Variants in SNX31 observed in about 807,000 individuals in gnomAD.
SNX31 encodes the protein sorting nexin 31.
A neutral mutation model predicts 65.4 loss-of-function variants in SNX31; 58 were observed. The ratio of observed to expected loss-of-function variants is 0.89; its 90% CI spans 0.72 to 1.10. SNX31 has a LOEUF of 1.10. Ranked by LOEUF, SNX31 falls within the 50% of genes least tolerant of loss-of-function variation. SNX31 has a pLI of 0.00. For missense variants in SNX31, 523 were observed against 529.7 expected, an observed-to-expected ratio of 0.99 and a Z score of 0.12; for synonymous variants, 181 against 190.1, an observed-to-expected ratio of 0.95 and a Z score of 0.39.
In SNX31 at chr8:100,630,046, C is replaced by T. The variant is rs1161702074; in HGVS notation, c.321+281G>A. Among the ~76,000 whole-genome samples, 1 of 152,190 alleles carries T rather than the reference C, an allele frequency of 6.6e-6. No homozygotes were observed. The highest frequency in any genetic ancestry group is 1.5e-5 in the Non-Finnish European group (1 of 68,040). ...ACTTGAAGGTCCTCTTCTTCATGTC[C>T]TGTTTTGAGATGTATGATTCTTAGG... On this transcript the variant is annotated intron_variant, in intron 4 of 13. Coordinates refer to ENST00000311812, the MANE Select transcript of SNX31 (RefSeq NM_152628.4). The surrounding 1 kb of genome is among the most constrained non-coding windows in gnomAD (Gnocchi z 5.3).
chr8:100,586,977 T>G (rs1814102443), intron 11 of SNX31, among the ~76,000 whole-genome samples: 2 of 152,220 alleles, frequency 1.3e-5, no homozygotes, highest in Non-Finnish European at 2.9e-5. Flanking sequence ...TTTTAGCATT[T>G]CCACTCCAAT....
chr8:100,614,410 C>T lies in SNX31; in HGVS notation c.433-1325G>A, dbSNP rs762996763. Among the ~76,000 whole-genome samples the T allele has an allele frequency of 2.6e-5, 4 of 152,296 alleles. No individual in the cohort carries two copies. The highest frequency in any genetic ancestry group is 2.1e-4 in the South Asian group (1 of 4,820). ...GCAAAAGGAGAATGAAGAAGCCTTTCGCATTCATAAAGACATAAATATAAA... is the reference window on the plus strand; with the variant it reads ...GCAAAAGGAGAATGAAGAAGCCTTTTGCATTCATAAAGACATAAATATAAA... On this transcript the variant is annotated intron_variant, in intron 5 of 13. Transcript: ENST00000311812. This position sits in a 1 kb window ranked among gnomAD's most constrained non-coding sequence, Gnocchi z 5.1.
At chr8:100,650,850 G>GTTTT (rs58797178), upstream of SNX31, among the ~76,000 whole-genome samples, 2 of 136,976 alleles carry the variant, frequency 1.5e-5, no homozygotes, top group South Asian at 4.6e-4. Flanking sequence ...GTGTTTTTTT[G>GTTTT]TTTTTTTTTT....
chr8:100,636,403 G>A lies in SNX31; in HGVS notation c.142-392C>T, dbSNP rs140689603. ...CCTCAGCCCTACCGCCACCAAATCT[G>A]AACTTGACAAATGCTTACAGCTGTG... On this transcript the variant is annotated intron_variant, in intron 2 of 13. Transcript: ENST00000311812. Among the ~76,000 whole-genome samples, 8 of 152,296 alleles carry A rather than the reference G, an allele frequency of 5.3e-5. No individual in the cohort carries two copies. The East Asian group carries it at 1.5e-3, about 29-fold the overall frequency.
chr8:100,590,781 C>T (rs773528473), intron 10 of SNX31, among the ~76,000 whole-genome samples: 6 of 149,692 alleles, frequency 4.0e-5, no homozygotes, highest in Non-Finnish European at 8.8e-5. Flanking sequence ...GACTCCATCT[C>T]GAAAACAACA....
At chr8:100,641,569 TATATATATATA>T in intron 2 of SNX31, among the ~76,000 whole-genome samples, 1 of 31,338 alleles carries the variant, frequency 3.2e-5, no homozygotes, top group East Asian at 8.5e-4. Context: ...AAAAAAAATA[TATATATATATA>T]TATATATATA....
At chr8:100,585,535 G>A (rs1813967700) in intron 11 of SNX31, among the ~76,000 whole-genome samples, 1 of 152,134 alleles carries the variant, frequency 6.6e-6, no homozygotes, top group African/African-American at 2.4e-5. Context: ...CAGGGGTGTA[G>A]AGCATTACAG....
chr8:100,580,169 A>C (rs9693949), intron 12 of SNX31, among the ~76,000 whole-genome samples: 4 of 152,124 alleles, frequency 2.6e-5, no homozygotes, highest in East Asian at 3.9e-4. Context: ...AAAAAAAAAA[A>C]AAAAAAAACA....
rs1158640074 is a variant in SNX31 at position 100,649,468 on chromosome 8, G to C, written c.47C>G (p.Ala16Gly). Residue 16 changes from alanine (A) to glycine (G), a missense_variant, in exon 1 of 14, where the codon GCG (alanine) becomes GGG (glycine). Physicochemically the swap from Ala to Gly is moderately conservative, Grantham distance 60. Coordinates refer to ENST00000311812, the MANE Select transcript of SNX31 (RefSeq NM_152628.4). ...GCGCACCACGTAGCGGCCCCCCAGC[G>C]CGTCGGACCGCTGCTGGGACACCGG... Reference protein sequence around the residue: ...CIPVSQQRSDALGGRYVLYSV... With the variant: ...CIPVSQQRSDGLGGRYVLYSV... 1 of 1,516,418 alleles carries C rather than the reference G, an allele frequency of 6.6e-7. No homozygotes were observed. Among genetic ancestry groups the C allele is most frequent in the Non-Finnish European group, 8.9e-7 (1 of 1,124,742 alleles). 93.9% of individuals were successfully genotyped at this position (1,516,418 alleles called of 1,614,324 possible).
intron 9 of SNX31, among the ~76,000 whole-genome samples, chr8:100,597,612 T>G (rs1052631302): frequency 6.6e-6 from 1 of 152,244 alleles, no homozygotes; most frequent in Non-Finnish European, 1.5e-5. Flanking sequence ...TTCTACAGGC[T>G]GCTTTATATG....
chr8:100,644,811 C>T (rs1819515416), intron 2 of SNX31, among the ~76,000 whole-genome samples: 1 of 151,766 alleles, frequency 6.6e-6, no homozygotes, highest in African/African-American at 2.4e-5. Context: ...ATTATAGGCA[C>T]ATGCCACCAC....
intron 2 of SNX31, among the ~76,000 whole-genome samples, chr8:100,637,185 T>C (rs1818838453): frequency 6.6e-6 from 1 of 152,172 alleles, no homozygotes; most frequent in Non-Finnish European, 1.5e-5. Flanking sequence ...AAAAAGTGGA[T>C]GCATAAAAAA....
chr8:100,642,355 C>T (rs957273058), intron 2 of SNX31, among the ~76,000 whole-genome samples: 3 of 146,790 alleles, frequency 2.0e-5, no homozygotes, highest in Admixed American at 6.8e-5. Flanking sequence ...TCGTAAATGT[C>T]GCAGATGTTC....
intron 10 of SNX31, among the ~76,000 whole-genome samples, chr8:100,591,693 T>G (rs1814604767): frequency 6.6e-6 from 1 of 151,548 alleles, no homozygotes; most frequent in Admixed American, 6.6e-5. Flanking sequence ...CAGCTGGGCA[T>G]AGGCACATGC....
rs1813042024 is a variant in SNX31, at chr8:100,576,343, C to T, written c.1227+676G>A. Among the ~76,000 whole-genome samples the T allele has an allele frequency of 6.6e-6, 1 of 152,154 alleles. No homozygotes were observed. The highest frequency in any genetic ancestry group is 1.5e-5 in the Non-Finnish European group (1 of 68,036). On this transcript the variant is annotated intron_variant, in intron 13 of 13. Coordinates refer to ENST00000311812, the MANE Select transcript of SNX31 (RefSeq NM_152628.4). This position sits in a 1 kb window ranked among gnomAD's most constrained non-coding sequence, Gnocchi z 4.8. The stretch of plus-strand genomic sequence containing the variant: ...GTCACTTTTCTTTCATTCACCTACA[C>T]TAGGATTTGGACTTAGAAAGGAAGA...
In SNX31 at chr8:100,588,019, A is replaced by T. The variant is rs1814208364; in HGVS notation, c.1092+847T>A. ...AGGCTATAAACCTGTACAGTATGCT[A>T]CTATACTGAATAAATTCTGAGGCAA... On this transcript the variant is annotated intron_variant, in intron 11 of 13. Coordinates refer to ENST00000311812, the MANE Select transcript of SNX31 (RefSeq NM_152628.4). The surrounding 1 kb of genome is among the most constrained non-coding windows in gnomAD (Gnocchi z 4.8). Among the ~76,000 whole-genome samples the T allele has an allele frequency of 6.6e-6, 1 of 152,204 alleles. No individual in the cohort carries two copies. The highest frequency in any genetic ancestry group is 2.1e-4 in the South Asian group (1 of 4,828).
upstream of SNX31, among the ~76,000 whole-genome samples, chr8:100,654,423 G>C (rs1820025196): frequency 6.6e-6 from 1 of 152,198 alleles, no homozygotes; most frequent in Non-Finnish European, 1.5e-5. Context: ...TCAAATCCAG[G>C]CTGCCTGGAA....
chr8:100,608,479 C>A lies in SNX31; in HGVS notation c.681+15G>T. 1.2e-6 allele frequency: 2 copies of A among 1,613,778 alleles called. No homozygotes were observed. On this transcript the variant is annotated intron_variant, in intron 8 of 13. Coordinates refer to ENST00000311812, the MANE Select transcript of SNX31 (RefSeq NM_152628.4). ...TATGATCTACGGTGCTGTCTGAGCT[C>A]TTGGTGACCCTCACCTGCATGTAGA...
At position 100,610,720 on chromosome 8, in the gene SNX31, A is replaced by G. The variant is rs1230330081; in HGVS notation, c.611+1280T>C. ...GTTCTTCTCCCCTTCTCAGGGTTTC[A>G]CATCTCAAGATCTGGACCATTCCTC... On this transcript the variant is annotated intron_variant, in intron 7 of 13. Coordinates refer to ENST00000311812, the MANE Select transcript of SNX31 (RefSeq NM_152628.4). The surrounding 1 kb of genome is among the most constrained non-coding windows in gnomAD (Gnocchi z 4.0). Among the ~76,000 whole-genome samples the G allele has an allele frequency of 6.6e-6, 1 of 152,228 alleles. No individual in the cohort carries two copies. Among genetic ancestry groups the G allele is most frequent in the Admixed American group, 6.5e-5 (1 of 15,274 alleles).
Sources: gnomAD v4.1 joint callset for allele counts (sites outside exome capture counted in the v4.1 genomes callset) on GRCh38, gnomAD v4.1.1 for gene constraint, Gnocchi (gnomAD v3.1) non-coding constraint, MANE v1.5 for transcripts, NCBI Gene and HGNC (gene_info 2026-07-23, HGNC 2026-07-21) for gene names.